TEX9: variants seen among roughly 807,000 people sequenced by gnomAD.
The protein encoded by TEX9 is testis-expressed protein 9.
Under a neutral mutation model 59.6 loss-of-function variants are expected in TEX9, and 74 were observed. The ratio of observed to expected loss-of-function variants is 1.24; its 90% CI spans 1.03 to 1.51. TEX9 has a LOEUF of 1.51. Ranked by LOEUF, TEX9 falls within the 40% of genes most tolerant of loss-of-function variation. TEX9 has a pLI of 0.00. For missense variants in TEX9, 522 were observed against 447.8 expected (o/e 1.17, Z -1.49); for synonymous variants, 186 against 152.2 (o/e 1.22, Z -1.64).
intron 1 of TEX9, among the ~76,000 whole-genome samples, chr15:56,255,021 A>G (rs1478156906): frequency 2.0e-5 from 3 of 152,044 alleles, no homozygotes; most frequent in Non-Finnish European, 4.4e-5. Flanking sequence ...GAATCAGTGG[A>G]GAGAAAAGAG....
intron 3 of TEX9, among the ~76,000 whole-genome samples, chr15:56,375,331 T>G (rs1400326020): frequency 6.6e-6 from 1 of 152,232 alleles, no homozygotes; most frequent in Admixed American, 6.5e-5. Flanking sequence ...AAGTGTCTGT[T>G]CATTTCCTTT....
At chr15:56,343,917 A>G (rs1391814137) in intron 1 of TEX9, among the ~76,000 whole-genome samples, 1 of 152,192 alleles carries the variant, frequency 6.6e-6, no homozygotes, top group Non-Finnish European at 1.5e-5. Flanking sequence ...AAATGAAAAA[A>G]CTTTTAACAT....
chr15:56,404,869 A>C (rs139123924), intron 9 of TEX9, among the ~76,000 whole-genome samples: 1,563 of 152,290 alleles, frequency 0.01, 24 homozygotes, highest in African/African-American at 0.035. Flanking sequence ...ATTCTCAGCA[A>C]ACTATCACAA....
intron 3 of TEX9, among the ~76,000 whole-genome samples, chr15:56,375,347 C>G (rs2047388878): frequency 6.6e-6 from 1 of 152,132 alleles, no homozygotes; most frequent in African/African-American, 2.4e-5. Context: ...CCTTTGCCCA[C>G]TTTTTGATGG....
intron 2 of TEX9, 168 bp downstream of exon 2, chr15:56,365,838 T>C: frequency 7.0e-7 from 1 of 1,431,524 alleles, no homozygotes; most frequent in East Asian, 2.5e-5. Context: ...GTCTTTGATC[T>C]GAGTAGTTCG....
chr15:56,255,126 T>C (rs1336268518), intron 1 of TEX9, among the ~76,000 whole-genome samples: 2 of 152,086 alleles, frequency 1.3e-5, no homozygotes, highest in African/African-American at 4.8e-5. Context: ...AAAGACCAGA[T>C]AGTAAATATT....
intron 1 of TEX9, among the ~76,000 whole-genome samples, chr15:56,324,445 G>T (rs1243297145): frequency 6.6e-6 from 1 of 152,184 alleles, no homozygotes; most frequent in East Asian, 1.9e-4. Flanking sequence ...TAAGTGGTGT[G>T]TAGGAAAAAG....
downstream of TEX9, among the ~76,000 whole-genome samples, chr15:56,446,190 T>G (rs1175093814): frequency 6.6e-6 from 1 of 152,064 alleles, no homozygotes; most frequent in Non-Finnish European, 1.5e-5. Context: ...AATAGATATG[T>G]ATGTGTATAT....
At chr15:56,322,297 G>A (rs2045920020) in intron 1 of TEX9, among the ~76,000 whole-genome samples, 1 of 152,090 alleles carries the variant, frequency 6.6e-6, no homozygotes, top group Non-Finnish European at 1.5e-5. Context: ...TGTGGCAGGA[G>A]GCCATTGAGA....
At chr15:56,412,332 C>A in exon 10 of TEX9, 1 of 1,612,036 alleles carries the variant, frequency 6.2e-7, no homozygotes, top group Non-Finnish European at 8.5e-7. Flanking sequence ...ACTGCAAAAA[C>A]AGGCTGCAAG....
chr15:56,244,782 T>G (rs374660865), intron 1 of TEX9, among the ~76,000 whole-genome samples: 1 of 151,900 alleles, frequency 6.6e-6, no homozygotes, highest in East Asian at 1.9e-4. Flanking sequence ...TTGGAGCCCG[T>G]TGAACACCCG....
chr15:56,302,319 T>C (rs529485902), intron 1 of TEX9, among the ~76,000 whole-genome samples: 133 of 84,836 alleles, frequency 1.6e-3, no homozygotes, highest in African/African-American at 6.9e-3. Flanking sequence ...AAGACACTGT[T>C]TACACACACA....
intron 1 of TEX9, among the ~76,000 whole-genome samples, chr15:56,251,159 A>G (rs1417397704): frequency 6.6e-6 from 1 of 151,990 alleles, no homozygotes; most frequent in Non-Finnish European, 1.5e-5. Context: ...ATGAATTTCT[A>G]TTTTTCTTCA....
intron 1 of TEX9, chr15:56,249,267 C>T (rs2043948313): frequency 6.6e-6 from 1 of 152,120 alleles, no homozygotes; most frequent in African/African-American, 2.4e-5. Flanking sequence ...AGAGCTCTCT[C>T]TTAGGCAACT....
the TEX9 span, among the ~76,000 whole-genome samples, chr15:56,456,877 C>T: frequency 6.6e-6 from 1 of 152,108 alleles, no homozygotes; most frequent in Non-Finnish European, 1.5e-5. Context: ...GACATCATGT[C>T]ACTTACCATG....
chr15:56,327,643 C>G (rs1212470941), intron 1 of TEX9, among the ~76,000 whole-genome samples: 1 of 152,186 alleles, frequency 6.6e-6, no homozygotes, highest in African/African-American at 2.4e-5. Context: ...ACTCCTCCCC[C>G]ATGCCATCAC....
At chr15:56,314,873 C>G (rs1459201506) in intron 1 of TEX9, among the ~76,000 whole-genome samples, 224 of 151,974 alleles carry the variant, frequency 1.5e-3, no homozygotes, top group African/African-American at 5.1e-3. Context: ...GTTAGCTCTT[C>G]TTGTTGAATT....
chr15:56,283,825 T>G (rs766124015), intron 1 of TEX9, among the ~76,000 whole-genome samples: 3 of 152,046 alleles, frequency 2.0e-5, no homozygotes, highest in Non-Finnish European at 4.4e-5. Context: ...CACAATTAAT[T>G]TGGTAACGCT....
intron 12 of TEX9, chr15:56,429,426 C>T: frequency 2.6e-6 from 1 of 378,678 alleles, no homozygotes; most frequent in Non-Finnish European, 4.6e-6. Context: ...AGTGTAGGAG[C>T]TTTTCATAGG....
Sources: allele counts gnomAD v4.1 joint callset (sites outside exome capture counted in the v4.1 genomes callset), GRCh38; gene constraint gnomAD v4.1.1; transcripts MANE v1.5; gene names NCBI Gene and HGNC (gene_info 2026-07-23, HGNC 2026-07-21).